Variants in PALM2AKAP2 observed in about 807,000 individuals in gnomAD.
PALM2AKAP2 encodes PALM2-AKAP2 fusion protein.
A neutral mutation model predicts 71.5 loss-of-function variants in PALM2AKAP2; 37 were observed. The ratio of observed to expected loss-of-function variants is 0.52; its 90% CI spans 0.40 to 0.68. The LOEUF (loss-of-function observed/expected upper bound fraction) is 0.68. PALM2AKAP2 is among the 30% of genes least tolerant of loss of function. The probability of loss-of-function intolerance (pLI) is 0.00; values close to 1 mark genes in which losing one functional copy is unlikely to be tolerated. For synonymous variants in PALM2AKAP2, 468 were observed against 478.8 expected (o/e 0.98, Z 0.29); for missense variants, 1,224 against 1,191.8 (o/e 1.03, Z -0.40).
chr9:109,828,911 A>C (rs2131527760), intron 1 of PALM2AKAP2, among the ~76,000 whole-genome samples: 1 of 152,390 alleles, frequency 6.6e-6, no homozygotes, highest in East Asian at 1.9e-4. Flanking sequence ...ATGGATCTTG[A>C]AAGGGCCTTG....
rs1316353513 is a variant in PALM2AKAP2 at position 110,137,459 on chromosome 9, AAC to A, written c.1493_1494del (p.Thr498SerfsTer14). 1 of 1,614,110 alleles carries A rather than the reference AAC, an allele frequency of 6.2e-7. No individual in the cohort carries two copies. Among genetic ancestry groups the A allele is most frequent in the East Asian group, 2.2e-5 (1 of 44,882 alleles). Reference sequence around the variant, plus strand: ...CCCATCGGCAGCAGGAAGCCAGGGCAACACAGCCTCTCAGGGGAAGGAAGGGC... The same window carrying A: ...CCCATCGGCAGCAGGAAGCCAGGGCAACAGCCTCTCAGGGGAAGGAAGGGC... On this transcript the variant is annotated frameshift_variant, in exon 2 of 4. Transcript: ENST00000374525. LOFTEE classifies it high-confidence loss of function.
At chr9:109,849,513 G>A (rs1006314794) in intron 1 of PALM2AKAP2, among the ~76,000 whole-genome samples, 2 of 152,132 alleles carry the variant, frequency 1.3e-5, no homozygotes, top group African/African-American at 2.4e-5. Flanking sequence ...TTTGGGAGGC[G>A]AAGGTGGGTG....
chr9:110,014,776 T>A (rs1206769184), intron 6 of PALM2AKAP2, among the ~76,000 whole-genome samples: 1 of 52,980 alleles, frequency 1.9e-5, no homozygotes, highest in African/African-American at 7.5e-5. Flanking sequence ...CTGTCCTCTG[T>A]CTCAAAAAAA....
intron 3 of PALM2AKAP2, among the ~76,000 whole-genome samples, chr9:109,909,698 T>A (rs1362681987): frequency 1.3e-5 from 2 of 152,158 alleles, no homozygotes; most frequent in Non-Finnish European, 2.9e-5. Context: ...AGCACCTTCA[T>A]GGGAAAAGTC....
chr9:110,037,355 C>T (rs555170221), intron 7 of PALM2AKAP2, among the ~76,000 whole-genome samples: 18 of 152,152 alleles, frequency 1.2e-4, no homozygotes, highest in African/African-American at 2.4e-4. Context: ...TACAGACATG[C>T]GCCACCACGC....
At position 110,030,035 on chromosome 9, in the gene PALM2AKAP2, G is replaced by A. The variant is rs181593234; in HGVS notation, c.582+13996G>A. On this transcript the variant is annotated intron_variant, in intron 7 of 9. Transcript: ENST00000302798. ...GGGGCCAAGGGAAAACTTTCCCTTT[G>A]CCCTCTGAAATTTCGTTGAAAAATC... Among the ~76,000 whole-genome samples the A allele has an allele frequency of 1.6e-4, 24 of 152,280 alleles. No homozygotes were observed. In the East Asian group the frequency reaches 3.1e-3, roughly 20 times the overall value.
At chr9:109,816,429 C>A (rs1015621257) in intron 1 of PALM2AKAP2, among the ~76,000 whole-genome samples, 7 of 152,122 alleles carry the variant, frequency 4.6e-5, no homozygotes. Context: ...TTTGAAAAGA[C>A]CCAAGAGCAG....
At chr9:110,148,434 C>T (rs1836230482) in intron 2 of PALM2AKAP2, 1 of 152,168 alleles carries the variant, frequency 6.6e-6, no homozygotes, top group African/African-American at 2.4e-5. Context: ...CACATTCTCC[C>T]ACCCCTGGGG....
chr9:109,923,795 A>G (rs1830890686), exon 4 of PALM2AKAP2: 2 of 1,606,312 alleles, frequency 1.2e-6, no homozygotes, highest in African/African-American at 1.3e-5. Context: ...CCAAAGAGCA[A>G]ATCATCCTAG....
chr9:109,941,337 C>A (rs897373285), intron 6 of PALM2AKAP2, among the ~76,000 whole-genome samples: 2 of 152,096 alleles, frequency 1.3e-5, no homozygotes, highest in African/African-American at 4.8e-5. Context: ...GTGCAGAGAG[C>A]AGAGGAGGGC....
intron 1 of PALM2AKAP2, among the ~76,000 whole-genome samples, chr9:109,742,301 ACT>A (rs1279639582): frequency 1.5e-5 from 2 of 130,102 alleles, no homozygotes; most frequent in Non-Finnish European, 3.3e-5. Flanking sequence ...ACACACACAC[ACT>A]CTCACAGCCA....
chr9:110,114,825 T>C (rs1391556579), intron 1 of PALM2AKAP2, among the ~76,000 whole-genome samples: 1 of 152,204 alleles, frequency 6.6e-6, no homozygotes, highest in East Asian at 1.9e-4. Context: ...GTTTCCATAA[T>C]CAGTATTACT....
At chr9:109,879,065 A>G (rs1380725834) in intron 2 of PALM2AKAP2, among the ~76,000 whole-genome samples, 2 of 152,152 alleles carry the variant, frequency 1.3e-5, no homozygotes, top group African/African-American at 2.4e-5. Context: ...AAGACTCATC[A>G]GTTCATAATA....
chr9:109,737,274 A>C (rs1408045075), intron 1 of PALM2AKAP2, among the ~76,000 whole-genome samples: 1 of 152,220 alleles, frequency 6.6e-6, no homozygotes, highest in Non-Finnish European at 1.5e-5. Context: ...AGGTCCAGCA[A>C]ACTGGGTGGC....
chr9:110,145,619 C>T (rs1315811657), intron 2 of PALM2AKAP2, among the ~76,000 whole-genome samples: 2 of 152,012 alleles, frequency 1.3e-5, no homozygotes, highest in Non-Finnish European at 2.9e-5. Flanking sequence ...TTCTCCTTGC[C>T]TTTTAAAAAT....
upstream of PALM2AKAP2, chr9:109,780,256 G>T: frequency 8.7e-7 from 1 of 1,151,658 alleles, no homozygotes. Context: ...TGCAGTGAGC[G>T]GCGGCGCTGG....
At chr9:109,810,780 A>G (rs1404718958) in intron 1 of PALM2AKAP2, among the ~76,000 whole-genome samples, 2 of 152,158 alleles carry the variant, frequency 1.3e-5, no homozygotes. Flanking sequence ...GAGAGAGATG[A>G]GACAACTGCT....
At chr9:109,711,530 G>A (rs1201935512) in intron 1 of PALM2AKAP2, among the ~76,000 whole-genome samples, 1 of 152,212 alleles carries the variant, frequency 6.6e-6, no homozygotes, top group Non-Finnish European at 1.5e-5. Context: ...ACTTCAAGAC[G>A]ACATTGGAGG....
intron 6 of PALM2AKAP2, among the ~76,000 whole-genome samples, chr9:109,992,256 G>C (rs921058527): frequency 3.3e-5 from 5 of 152,034 alleles, no homozygotes; most frequent in South Asian, 2.1e-4. Context: ...CCATCTTCTT[G>C]GCTGTCAGTC....
Sources: gnomAD v4.1 joint callset for allele counts (sites outside exome capture counted in the v4.1 genomes callset) on GRCh38, gnomAD v4.1.1 for gene constraint, MANE v1.5 for transcripts, NCBI Gene and HGNC (gene_info 2026-07-23, HGNC 2026-07-21) for gene names.